SHISA9: variants seen among roughly 807,000 people sequenced by gnomAD.
SHISA9 encodes protein shisa-9.
In SHISA9, 13 loss-of-function variants were observed where a neutral mutation model predicts 38.0. The ratio of observed to expected loss-of-function variants is 0.34; its 90% CI spans 0.22 to 0.54. The LOEUF (loss-of-function observed/expected upper bound fraction) is 0.54, where lower values mean the gene tolerates loss of function less well. Ranked by LOEUF, SHISA9 falls within the 20% of genes least tolerant of loss-of-function variation. The pLI is 0.91. For missense variants in SHISA9, 538 were observed against 575.8 expected, an observed-to-expected ratio of 0.93 and a Z score of 0.67; for synonymous variants, 275 against 242.0, an observed-to-expected ratio of 1.14 and a Z score of -1.27.
At chr16:13,190,020 G>A (rs902699873) in intron 2 of SHISA9, among the ~76,000 whole-genome samples, 5 of 151,904 alleles carry the variant, frequency 3.3e-5, no homozygotes. Context: ...AACATCTCCT[G>A]TTAATAGTAT....
intron 2 of SHISA9, among the ~76,000 whole-genome samples, chr16:13,128,040 C>T (rs1315439967): frequency 6.6e-6 from 1 of 152,154 alleles, no homozygotes; most frequent in African/African-American, 2.4e-5. Flanking sequence ...ACAGACTGTG[C>T]TATTTTGAAT....
At chr16:13,230,763 C>G (rs560709904) in intron 4 of SHISA9, among the ~76,000 whole-genome samples, 2 of 152,256 alleles carry the variant, frequency 1.3e-5, no homozygotes, top group African/African-American at 4.8e-5. Context: ...GCCCTGAGGG[C>G]TGCTGGTTAC....
chr16:12,970,198 TA>T (rs943258287), intron 2 of SHISA9, among the ~76,000 whole-genome samples: 4 of 148,044 alleles, frequency 2.7e-5, no homozygotes, highest in African/African-American at 7.5e-5. Context: ...ATGACAGATT[TA>T]GGGGGTACAA....
chr16:13,554,484 C>CT, the SHISA9 span, among the ~76,000 whole-genome samples: 70 of 140,372 alleles, frequency 5.0e-4, 1 homozygote, highest in African/African-American at 8.9e-4. Context: ...CATTTGTTTC[C>CT]TTTTTTTTTT....
At chr16:12,913,498 A>G (rs1185046683) in intron 1 of SHISA9, among the ~76,000 whole-genome samples, 5 of 152,324 alleles carry the variant, frequency 3.3e-5, no homozygotes, top group Admixed American at 3.3e-4. Context: ...CAACCAGCCC[A>G]TTTTTGTCAT....
chr16:13,341,575 C>T, the SHISA9 span, among the ~76,000 whole-genome samples: 1 of 152,218 alleles, frequency 6.6e-6, no homozygotes, highest in African/African-American at 2.4e-5. Flanking sequence ...GTTATTTCTA[C>T]TCTGACGCAG....
At chr16:12,963,979 A>G (rs992337065) in intron 2 of SHISA9, among the ~76,000 whole-genome samples, 3 of 152,242 alleles carry the variant, frequency 2.0e-5, no homozygotes, top group Non-Finnish European at 2.9e-5. Flanking sequence ...TAGCCTCATA[A>G]TTAAGTAAAT....
the SHISA9 span, among the ~76,000 whole-genome samples, chr16:13,440,786 G>C: frequency 6.6e-6 from 1 of 152,120 alleles, no homozygotes; most frequent in Non-Finnish European, 1.5e-5. Context: ...GCCAGGCGTG[G>C]TGGCGCGTGC....
the SHISA9 span, among the ~76,000 whole-genome samples, chr16:13,287,258 T>C: frequency 6.6e-6 from 1 of 152,156 alleles, no homozygotes; most frequent in Admixed American, 6.6e-5. Context: ...AGAGGCTTTT[T>C]AGGAGATGAG....
At chr16:12,943,530 G>A (rs1354632529) in intron 2 of SHISA9, among the ~76,000 whole-genome samples, 5 of 152,006 alleles carry the variant, frequency 3.3e-5, no homozygotes. Context: ...TAAATCCTTT[G>A]TGAAATGAGG....
intron 2 of SHISA9, among the ~76,000 whole-genome samples, chr16:13,109,545 C>T (rs192578797): frequency 7.1e-4 from 108 of 152,284 alleles, no homozygotes; most frequent in Non-Finnish European, 1.2e-3. Context: ...GTATAATTGA[C>T]ATAACATCAA....
chr16:13,388,618 G>A, the SHISA9 span, among the ~76,000 whole-genome samples: 1 of 152,146 alleles, frequency 6.6e-6, no homozygotes, highest in Non-Finnish European at 1.5e-5. Flanking sequence ...AATTTGGACA[G>A]TCTTTTGTTT....
At chr16:13,325,633 G>A in the SHISA9 span, among the ~76,000 whole-genome samples, 2 of 152,176 alleles carry the variant, frequency 1.3e-5, no homozygotes, top group Admixed American at 6.5e-5. Flanking sequence ...AGCCAGTGGT[G>A]TAGTTGCAGT....
intron 2 of SHISA9, among the ~76,000 whole-genome samples, chr16:13,066,276 C>G (rs1183541501): frequency 6.6e-6 from 1 of 152,168 alleles, no homozygotes; most frequent in Non-Finnish European, 1.5e-5. Context: ...TGGACCAGCT[C>G]TAGGGACTTA....
intron 2 of SHISA9, among the ~76,000 whole-genome samples, chr16:13,155,269 G>C (rs944212570): frequency 6.6e-6 from 1 of 152,162 alleles, no homozygotes; most frequent in Non-Finnish European, 1.5e-5. Flanking sequence ...GAATGATGTG[G>C]AGTGGAATAC....
chr16:13,473,494 G>A, the SHISA9 span, among the ~76,000 whole-genome samples: 1 of 151,358 alleles, frequency 6.6e-6, no homozygotes, highest in Non-Finnish European at 1.5e-5. Context: ...GATTAAACAT[G>A]CCTTCTTGGA....
At chr16:13,339,720 G>A in the SHISA9 span, among the ~76,000 whole-genome samples, 1 of 152,176 alleles carries the variant, frequency 6.6e-6, no homozygotes, top group South Asian at 2.1e-4. Flanking sequence ...AGGCCAATCT[G>A]CTGAGGTTCG....
At chr16:13,514,451 A>G in the SHISA9 span, among the ~76,000 whole-genome samples, 2,741 of 152,314 alleles carry the variant, frequency 0.018, 33 homozygotes, top group Middle Eastern at 0.044. Context: ...TTAAAAGAAT[A>G]TTATAAGTGT....
the SHISA9 span, among the ~76,000 whole-genome samples, chr16:13,281,028 A>G: frequency 3.3e-5 from 5 of 151,840 alleles, no homozygotes; most frequent in South Asian, 6.2e-4. Flanking sequence ...TTTTAAAATT[A>G]CTTTTAATAT....
Sources: gnomAD v4.1 joint callset for allele counts (sites outside exome capture counted in the v4.1 genomes callset) on GRCh38, gnomAD v4.1.1 for gene constraint, MANE v1.5 for transcripts, NCBI Gene and HGNC (gene_info 2026-07-23, HGNC 2026-07-21) for gene names.